The following SAMM50 variants were observed in gnomAD, a reference collection of about 807,000 sequenced individuals.
SAMM50 encodes the protein sorting and assembly machinery component 50 homolog.
Under a neutral mutation model 66.9 loss-of-function variants are expected in SAMM50, and 47 were observed. That is an observed-to-expected ratio of 0.70 (90% CI 0.56 to 0.90). SAMM50 has a LOEUF of 0.90. SAMM50 is among the 40% of genes least tolerant of loss of function. SAMM50 has a pLI of 0.00. For synonymous variants in SAMM50, 191 were observed against 214.1 expected, an observed-to-expected ratio of 0.89 and a Z score of 0.94; for missense variants, 535 against 595.3, an observed-to-expected ratio of 0.90 and a Z score of 1.05.
In SAMM50 at chr22:43,990,358, G is replaced by C. The variant is rs774207483; in HGVS notation, c.1316G>C (p.Arg439Pro). 3.1e-6 allele frequency: 5 copies of C among 1,614,046 alleles called. No homozygotes were observed. The highest frequency in any genetic ancestry group is 2.2e-5 in the East Asian group (1 of 44,884). ...GIVLRLGNIA[R>P]LELNYCVPMG... ...GTCCTCAGGCTTGGCAACATCGCTC[G>C]GTTGGAACTTAATTACTGCGTCCCC... is the stretch of plus-strand genomic sequence containing the variant. The change falls in exon 14 of 15, where the codon CGG (arginine) becomes CCG (proline). Residue 439 changes from arginine to proline, a missense_variant. Arg to Pro is a moderately radical substitution (Grantham distance 103). Coordinates refer to ENST00000350028, the MANE Select transcript of SAMM50 (RefSeq NM_015380.5).
chr22:43,984,854 A>C (rs555509639), intron 12 of SAMM50, among the ~76,000 whole-genome samples: 2 of 150,828 alleles, frequency 1.3e-5, no homozygotes, highest in Admixed American at 6.6e-5. Context: ...CTGGTCTTGA[A>C]CTCCTGACCT....
chr22:43,983,961 C>T lies in SAMM50; in HGVS notation c.1036C>T (p.Arg346Cys), dbSNP rs771112589. Residue 346 changes from arginine (R) to cysteine (C), a missense_variant, in exon 12 of 15, where the codon CGC becomes TGC. Physicochemically the swap from Arg to Cys is radical, Grantham distance 180. Coordinates refer to ENST00000350028, the MANE Select transcript of SAMM50 (RefSeq NM_015380.5). This position sits in a 1 kb window ranked among gnomAD's most constrained non-coding sequence, Gnocchi z 4.2. ...RFYLGGPTSIRGFSMHSIGPQ... is the reference protein window; with the variant it reads ...RFYLGGPTSICGFSMHSIGPQ... ...TTACCTTGGGGGACCCACAAGCATC[C>T]GCGGATTCAGCATGCACAGCATCGG... 6.2e-7 allele frequency: 1 copy of T among 1,611,666 alleles called. No homozygotes were observed. The highest frequency in any genetic ancestry group is 1.7e-5 in the Admixed American group (1 of 59,692).
At chr22:43,959,507 T>TAC (rs138315774) in intron 1 of SAMM50, among the ~76,000 whole-genome samples, 12,967 of 138,432 alleles carry the variant, frequency 0.094, 654 homozygotes, top group Middle Eastern at 0.16. Flanking sequence ...TTTTTTATAT[T>TAC]ACACACACAC....
At chr22:43,978,690 T>C (rs576478166) in intron 10 of SAMM50, among the ~76,000 whole-genome samples, 40 of 151,730 alleles carry the variant, frequency 2.6e-4, no homozygotes, top group Non-Finnish European at 5.0e-4. Context: ...CCTGATTCAC[T>C]CAGGAGTGAG....
intron 12 of SAMM50, 143 bp from the exon 13 acceptor site, chr22:43,988,968 T>G: frequency 1.5e-6 from 1 of 666,056 alleles, no homozygotes; most frequent in Non-Finnish European, 2.5e-6. Context: ...GTATCAGGAA[T>G]GAGAAGAACA....
chr22:43,973,496 C>T (rs1208086715), intron 7 of SAMM50, among the ~76,000 whole-genome samples, 173 bp downstream of exon 7: 1 of 152,194 alleles, frequency 6.6e-6, no homozygotes, highest in Non-Finnish European at 1.5e-5. Context: ...CTACAGGGAC[C>T]CGAGAGTGGC....
chr22:43,956,033 C>T (rs191990022), intron 1 of SAMM50, among the ~76,000 whole-genome samples: 84 of 152,280 alleles, frequency 5.5e-4, no homozygotes, highest in African/African-American at 1.9e-3. Context: ...ATCTAGGGGT[C>T]CTCTTTTCTC....
chr22:43,981,220 G>A (rs371875993), intron 10 of SAMM50, among the ~76,000 whole-genome samples, 171 bp from the exon 11 acceptor site: 4 of 152,230 alleles, frequency 2.6e-5, no homozygotes, highest in South Asian at 4.1e-4. Flanking sequence ...GTGGCCCTTC[G>A]AAGGGTAGCT....
intron 12 of SAMM50, chr22:43,986,611 C>G (rs748081600): frequency 6.6e-6 from 1 of 151,396 alleles, no homozygotes; most frequent in East Asian, 2.0e-4. Context: ...AGTGCAGTGG[C>G]GTGATCTCAG....
chr22:43,975,310 A>C (rs938739470), intron 7 of SAMM50: 3 of 152,244 alleles, frequency 2.0e-5, no homozygotes, highest in Non-Finnish European at 4.4e-5. Flanking sequence ...CTGGAGTTCA[A>C]TTGCAAGCCT....
intron 8 of SAMM50, 104 bp from the exon 9 acceptor site, chr22:43,976,646 T>G: frequency 1.3e-6 from 1 of 791,848 alleles, no homozygotes; most frequent in Non-Finnish European, 2.2e-6. Context: ...AATGACATGA[T>G]AGTTGTAGAG....
rs772973443 is a variant in SAMM50 at position 43,983,995 on chromosome 22, G to A, written c.1070G>A (p.Ser357Asn). The A allele has an allele frequency of 3.7e-6, 6 of 1,611,108 alleles. No homozygotes were observed. The Middle Eastern group carries it at 6.6e-4, about 177-fold the overall frequency. The stretch of plus-strand genomic sequence containing the variant: ...AGCATGCACAGCATCGGGCCACAGA[G>A]CGAAGGTCTGTCCTTTCCCCTCACG... ...GFSMHSIGPQ[S>N]EGDYLGGEAY... is the part of the protein sequence containing the mutation. Residue 357 changes from serine to asparagine, a missense_variant, in exon 12 of 15, where the codon AGC becomes AAC. Physicochemically the swap from Ser to Asn is conservative, Grantham distance 46. Coordinates refer to ENST00000350028, the MANE Select transcript of SAMM50 (RefSeq NM_015380.5). The surrounding 1 kb of genome is among the most constrained non-coding windows in gnomAD (Gnocchi z 4.2).
At chr22:43,967,297 A>G (rs1374519356) in intron 3 of SAMM50, among the ~76,000 whole-genome samples, 3 of 152,338 alleles carry the variant, frequency 2.0e-5, no homozygotes, top group East Asian at 3.9e-4. Flanking sequence ...GCATTGCCAC[A>G]GCCGTCTCCA....
Position 43,991,411 on chromosome 22 carries a change from G to A in SAMM50, c.1364+1005G>A, listed in dbSNP as rs138456028. 2.8e-3 allele frequency among the ~76,000 whole-genome samples: 423 copies of A among 151,690 alleles called. 5 individuals are homozygous for A. The highest frequency in any genetic ancestry group is 0.024 in the Admixed American group (367 of 15,220). The stretch of plus-strand genomic sequence containing the variant: ...CCCTGCCTCAGCCTCCCAAGTAGCT[G>A]GGACTACACACCAGGCTAATTTTTG... On this transcript the variant is annotated intron_variant, in intron 14 of 14. Transcript: ENST00000350028.
At chr22:43,987,074 G>C (rs1334499669) in intron 12 of SAMM50, 1 of 152,138 alleles carries the variant, frequency 6.6e-6, no homozygotes, top group East Asian at 1.9e-4. Context: ...GTCTATGAGA[G>C]CTGAGCCTTT....
chr22:43,969,809 G>C (rs987118026), intron 4 of SAMM50, among the ~76,000 whole-genome samples: 1 of 152,208 alleles, frequency 6.6e-6, no homozygotes, highest in East Asian at 1.9e-4. Flanking sequence ...AGTGCAGGTT[G>C]GGGGAATGGA....
At chr22:43,989,797 ATCTG>A (rs2050313490) in intron 13 of SAMM50, among the ~76,000 whole-genome samples, 1 of 150,222 alleles carries the variant, frequency 6.7e-6, no homozygotes, top group Non-Finnish European at 1.5e-5. Flanking sequence ...ACGAAGAAAA[ATCTG>A]TTTGTCTATT....
At chr22:43,986,833 G>A (rs934459502) in intron 12 of SAMM50, 2 of 152,166 alleles carry the variant, frequency 1.3e-5, no homozygotes, top group Admixed American at 6.5e-5. Context: ...TATTACAGGC[G>A]TGAGTCACTG....
intron 14 of SAMM50, among the ~76,000 whole-genome samples, chr22:43,993,611 T>A (rs978166519): frequency 2.6e-5 from 4 of 152,330 alleles, no homozygotes; most frequent in East Asian, 3.9e-4. Flanking sequence ...GCTGTTCAGA[T>A]GTTTATTATG....
Sources: allele counts gnomAD v4.1 joint callset (sites outside exome capture counted in the v4.1 genomes callset), GRCh38; gene constraint gnomAD v4.1.1; non-coding constraint Gnocchi (gnomAD v3.1); transcripts MANE v1.5; gene names NCBI Gene and HGNC (gene_info 2026-07-23, HGNC 2026-07-21).